Variants in CMTM3 observed in about 807,000 individuals in gnomAD.
CMTM3 encodes CKLF like MARVEL transmembrane domain containing 3.
Under a neutral mutation model 18.2 loss-of-function variants are expected in CMTM3, and 7 were observed. The observed-to-expected ratio is 0.38, with a 90% CI of 0.22 to 0.72. CMTM3 has a LOEUF of 0.72. Among genes scored for constraint, CMTM3 ranks in the 30% least tolerant of loss-of-function variants. The probability of loss-of-function intolerance (pLI) is 0.46; values close to 1 mark genes in which losing one functional copy is unlikely to be tolerated. For missense variants in CMTM3, 227 were observed against 249.2 expected, an observed-to-expected ratio of 0.91 and a Z score of 0.60; for synonymous variants, 109 against 111.2, an observed-to-expected ratio of 0.98 and a Z score of 0.12.
Position 66,609,270 on chromosome 16 carries a change from A to C in CMTM3, c.304-165A>C. 1.6e-6 allele frequency: 1 copy of C among 616,820 alleles called. No individual in the cohort carries two copies. Among genetic ancestry groups the C allele is most frequent in the Non-Finnish European group, 2.8e-6 (1 of 351,220 alleles). 38.2% of individuals were successfully genotyped at this position (616,820 alleles called of 1,614,324 possible). On this transcript the variant is annotated intron_variant, in intron 2 of 4. Coordinates refer to ENST00000567572, the MANE Select transcript of CMTM3 (RefSeq NM_181553.4). This position sits in a 1 kb window ranked among gnomAD's most constrained non-coding sequence, Gnocchi z 4.4. Reference sequence around the variant, plus strand: ...CAGCTGCTGGCAAGGCAGCAGAGGCACCTCGGGGGTGGGACAAGGGCCTAG... The same window carrying C: ...CAGCTGCTGGCAAGGCAGCAGAGGCCCCTCGGGGGTGGGACAAGGGCCTAG...
Position 66,613,351 on chromosome 16 carries a change from C to A in CMTM3, c.*714C>A. ...CTGGTCCAGAAGACAGAGGGTACAA[C>A]AGTGGCATCACAGTGACAGTGTCAT... is the stretch of plus-strand genomic sequence containing the variant. On this transcript the variant is annotated 3_prime_UTR_variant, in exon 5 of 5. Transcript: ENST00000567572. 2 of 529,602 alleles carry A rather than the reference C, an allele frequency of 3.8e-6. No homozygotes were observed. The highest frequency in any genetic ancestry group is 6.8e-6 in the Non-Finnish European group (2 of 294,836). 32.8% of individuals were successfully genotyped at this position (529,602 alleles called of 1,614,324 possible). A position where few individuals can be genotyped will look rare whatever the true frequency, so the allele number is the denominator to read the frequency against.
chr16:66,605,017 C>T lies in CMTM3; in HGVS notation c.147+65C>T. 26 of 1,335,734 alleles carry T rather than the reference C, an allele frequency of 1.9e-5. No homozygotes were observed. The highest frequency in any genetic ancestry group is 2.4e-5 in the Non-Finnish European group (25 of 1,039,734). The allele number at this position is 1,335,734 out of a possible 1,614,324, so 82.7% of individuals were successfully genotyped here. A position where few individuals can be genotyped will look rare whatever the true frequency, so the allele number is the denominator to read the frequency against. Reference sequence around the variant, plus strand: ...CGCGGCTCCTTTCGGAGGAGGACGTCGGGGCGCGGGTGGGGTCCGGGGGCG... The same window carrying T: ...CGCGGCTCCTTTCGGAGGAGGACGTTGGGGCGCGGGTGGGGTCCGGGGGCG... On this transcript the variant is annotated intron_variant, in intron 1 of 4. Transcript: ENST00000567572. This position sits in a 1 kb window ranked among gnomAD's most constrained non-coding sequence, Gnocchi z 4.6.
chr16:66,612,836 G>A lies in CMTM3; in HGVS notation c.*199G>A, dbSNP rs933185213. On this transcript the variant is annotated 3_prime_UTR_variant, in exon 5 of 5. Coordinates refer to ENST00000567572, the MANE Select transcript of CMTM3 (RefSeq NM_181553.4). This position sits in a 1 kb window ranked among gnomAD's most constrained non-coding sequence, Gnocchi z 6.0. ...CCCTCAGCTCAGCACTGTTGACCAC[G>A]CTGCGTATGAGGGCATCTTGGGTAT... The A allele has an allele frequency of 6.8e-5, 42 of 615,730 alleles. No individual in the cohort carries two copies. In the African/African-American group the frequency reaches 6.8e-4, roughly 10 times the overall value. The allele number at this position is 615,730 out of a possible 1,614,324, so 38.1% of individuals were successfully genotyped here.
chr16:66,604,726 C>T lies in CMTM3; in HGVS notation c.-80C>T, dbSNP rs1387883832. On this transcript the variant is annotated 5_prime_UTR_variant, in exon 1 of 5. Coordinates refer to ENST00000567572, the MANE Select transcript of CMTM3 (RefSeq NM_181553.4). ...GCCAGTGTCGCCTGCCCTCCTTCCG[C>T]ACAGCCCGGGTTTCCGCTTCCCTCC... 1 of 1,114,540 alleles carries T rather than the reference C, an allele frequency of 9.0e-7. No individual in the cohort carries two copies. The highest frequency in any genetic ancestry group is 1.1e-6 in the Non-Finnish European group (1 of 887,908). 69.0% of individuals were successfully genotyped at this position (1,114,540 alleles called of 1,614,324 possible).
rs2015229191 is a variant in CMTM3, at chr16:66,608,118, T to A, written c.148-191T>A. On this transcript the variant is annotated intron_variant, in intron 1 of 4. Coordinates refer to ENST00000567572, the MANE Select transcript of CMTM3 (RefSeq NM_181553.4). The surrounding 1 kb of genome is among the most constrained non-coding windows in gnomAD (Gnocchi z 5.1). ...GCCTGGGCCTCTCAAAGTGCTAGGA[T>A]TACAGGTGTGAGCCACTGTGCTTGG... 6.6e-6 allele frequency among the ~76,000 whole-genome samples: 1 copy of A among 152,154 alleles called. No homozygotes were observed. Among genetic ancestry groups the A allele is most frequent in the Non-Finnish European group, 1.5e-5 (1 of 68,016 alleles).
chr16:66,604,687 G>A (rs2015057111), upstream of CMTM3: 2 of 761,642 alleles, frequency 2.6e-6, no homozygotes, highest in Non-Finnish European at 3.5e-6. Flanking sequence ...GGCGGGGGAT[G>A]CGCCCCTGCG....
At chr16:66,604,640 G>A, upstream of CMTM3, 2 of 482,348 alleles carry the variant, frequency 4.1e-6, no homozygotes, top group Non-Finnish European at 3.2e-6. Flanking sequence ...GGGAGGGGCG[G>A]GCTGGAGGAG....
upstream of CMTM3, chr16:66,604,298 C>G (rs2015034969): frequency 6.6e-6 from 1 of 152,196 alleles, no homozygotes; most frequent in South Asian, 2.1e-4. Context: ...GAGGGGTGGC[C>G]AAGAAAGTCG....
chr16:66,611,352 C>T (rs983499165), intron 4 of CMTM3, among the ~76,000 whole-genome samples: 1 of 152,042 alleles, frequency 6.6e-6, no homozygotes, highest in Non-Finnish European at 1.5e-5. Flanking sequence ...ACTTGGGAGG[C>T]TGAGGCAGGA....
chr16:66,605,281 C>T lies in CMTM3; in HGVS notation c.147+329C>T, dbSNP rs2015097591. 4.6e-6 allele frequency: 1 copy of T among 216,264 alleles called. No individual in the cohort carries two copies. The highest frequency in any genetic ancestry group is 9.1e-6 in the Non-Finnish European group (1 of 109,824). 13.4% of individuals were successfully genotyped at this position (216,264 alleles called of 1,614,324 possible). On this transcript the variant is annotated intron_variant, in intron 1 of 4. Transcript: ENST00000567572. This position sits in a 1 kb window ranked among gnomAD's most constrained non-coding sequence, Gnocchi z 4.6. ...CCGCCCTCTCTGGGCCCCGGGGACT[C>T]GGGCAACTCGGACCTCCGGGACTCC...
rs945277843 is a variant in CMTM3 at position 66,613,238 on chromosome 16, C to T, written c.*601C>T. 5 of 665,784 alleles carry T rather than the reference C, an allele frequency of 7.5e-6. No individual in the cohort carries two copies. Among genetic ancestry groups the T allele is most frequent in the Non-Finnish European group, 1.4e-5 (5 of 366,308 alleles). The allele number at this position is 665,784 out of a possible 1,614,324, so 41.2% of individuals were successfully genotyped here. Reference sequence around the variant, plus strand: ...AGTGGGGCTCGGCACCCATAACTAACACCTCCCACCCTTGGAAACCATGTC... The same window carrying T: ...AGTGGGGCTCGGCACCCATAACTAATACCTCCCACCCTTGGAAACCATGTC... On this transcript the variant is annotated 3_prime_UTR_variant, in exon 5 of 5. Coordinates refer to ENST00000567572, the MANE Select transcript of CMTM3 (RefSeq NM_181553.4).
In CMTM3 at chr16:66,604,898, G is replaced by T; in HGVS notation, c.93G>T (p.Leu31=). ...GPAVPGLRAL[L]PARAFLCSLK... is the part of the protein sequence containing the mutation. The stretch of plus-strand genomic sequence containing the variant: ...CGGTCCCCGGGCTCCGCGCCCTGCT[G>T]CCGGCGCGGGCTTTCCTCTGCTCTC... The change falls in exon 1 of 5, where the codon CTG becomes CTT. Residue 31 remains leucine, a synonymous_variant. Coordinates refer to ENST00000567572, the MANE Select transcript of CMTM3 (RefSeq NM_181553.4). 2 of 1,451,402 alleles carry T rather than the reference G, an allele frequency of 1.4e-6. No homozygotes were observed. Among genetic ancestry groups the T allele is most frequent in the Middle Eastern group, 1.9e-4 (1 of 5,160 alleles). 89.9% of individuals were successfully genotyped at this position (1,451,402 alleles called of 1,614,324 possible).
rs1056381446 is a variant in CMTM3, at chr16:66,612,999, C to T, written c.*362C>T. ...TTCCATGCTGCTAGGTGGCGGGGGT[C>T]GGGGGTCTTCTGTTTCACTAACAGG... On this transcript the variant is annotated 3_prime_UTR_variant, in exon 5 of 5. Coordinates refer to ENST00000567572, the MANE Select transcript of CMTM3 (RefSeq NM_181553.4). This position sits in a 1 kb window ranked among gnomAD's most constrained non-coding sequence, Gnocchi z 6.0. 2.9e-5 allele frequency: 20 copies of T among 700,466 alleles called. No homozygotes were observed. The highest frequency in any genetic ancestry group is 4.4e-5 in the Non-Finnish European group (17 of 383,470). The allele number at this position is 700,466 out of a possible 1,614,324, so 43.4% of individuals were successfully genotyped here.
chr16:66,609,487 C>T lies in CMTM3; in HGVS notation c.356C>T (p.Thr119Met), dbSNP rs545909802. Residue 119 changes from threonine to methionine, a missense_variant, in exon 3 of 5, where the codon ACG becomes ATG. Transcript: ENST00000567572. This position sits in a 1 kb window ranked among gnomAD's most constrained non-coding sequence, Gnocchi z 4.4. ...CTCATCTACTTTGCTATCTCCATCA[C>T]GGCCATCGCCAAGTACTCGGATGGG... The part of the protein sequence containing the change: ...AALIYFAISI[T>M]AIAKYSDGAS... The T allele has an allele frequency of 2.0e-5, 33 of 1,611,476 alleles. No individual in the cohort carries two copies. The South Asian group carries it at 2.4e-4, about 12-fold the overall frequency.
In CMTM3 at chr16:66,613,142, G is replaced by A. The variant is rs2015447418; in HGVS notation, c.*505G>A. The A allele has an allele frequency of 1.4e-6, 1 of 702,956 alleles. No individual in the cohort carries two copies. The highest frequency in any genetic ancestry group is 2.7e-5 in the East Asian group (1 of 37,284). The allele number at this position is 702,956 out of a possible 1,614,324, so 43.5% of individuals were successfully genotyped here. ...ACAATGACCCTTCCAAGAATCTTTG[G>A]TTCAAGGAGCACCAGTTCCCTCTTC... On this transcript the variant is annotated 3_prime_UTR_variant, in exon 5 of 5. Transcript: ENST00000567572.
In CMTM3 at chr16:66,605,221, G is replaced by T. The variant is rs2015094122; in HGVS notation, c.147+269G>T. 3 of 344,108 alleles carry T rather than the reference G, an allele frequency of 8.7e-6. No individual in the cohort carries two copies. Among genetic ancestry groups the T allele is most frequent in the African/African-American group, 2.1e-5 (1 of 46,542 alleles). The allele number at this position is 344,108 out of a possible 1,614,324, so 21.3% of individuals were successfully genotyped here. A position where few individuals can be genotyped will look rare whatever the true frequency, so the allele number is the denominator to read the frequency against. On this transcript the variant is annotated intron_variant, in intron 1 of 4. Transcript: ENST00000567572. The surrounding 1 kb of genome is among the most constrained non-coding windows in gnomAD (Gnocchi z 4.6). ...GGGCCGTGGGAAGTGGGTGGGGCCC[G>T]GGGATGTGGGTCCTGCTGTGTGAGC...
Position 66,612,537 on chromosome 16 carries a change from T to G in CMTM3, c.521-72T>G. 6.6e-7 allele frequency: 1 copy of G among 1,524,924 alleles called. No individual in the cohort carries two copies. The highest frequency in any genetic ancestry group is 9.0e-7 in the Non-Finnish European group (1 of 1,106,626). 94.5% of individuals were successfully genotyped at this position (1,524,924 alleles called of 1,614,324 possible). ...GCTCCTGCCAGCAACCCAGCTGTGC[T>G]TCCCCAGAGACCGTTCCCAGGCACC... On this transcript the variant is annotated intron_variant, in intron 4 of 4. Transcript: ENST00000567572. The surrounding 1 kb of genome is among the most constrained non-coding windows in gnomAD (Gnocchi z 6.0).
chr16:66,609,625 C>T lies in CMTM3; in HGVS notation c.399+95C>T. On this transcript the variant is annotated intron_variant, in intron 3 of 4. Coordinates refer to ENST00000567572, the MANE Select transcript of CMTM3 (RefSeq NM_181553.4). The surrounding 1 kb of genome is among the most constrained non-coding windows in gnomAD (Gnocchi z 4.4). ...GGGCAGAGCCTTTCCCTGCTGGGGC[C>T]CCCCTGGGGTCTCATGTGGGTCCCG... The T allele has an allele frequency of 2.6e-6, 4 of 1,513,236 alleles. No homozygotes were observed. The highest frequency in any genetic ancestry group is 3.6e-6 in the Non-Finnish European group (4 of 1,119,040). 93.7% of individuals were successfully genotyped at this position (1,513,236 alleles called of 1,614,324 possible).
intron 4 of CMTM3, among the ~76,000 whole-genome samples, chr16:66,611,457 A>G (rs2015373749): frequency 6.6e-6 from 1 of 152,022 alleles, no homozygotes. Context: ...TCGGGGGGAA[A>G]AAATTGAATA....
Sources: gnomAD v4.1 joint callset for allele counts (sites outside exome capture counted in the v4.1 genomes callset) on GRCh38, gnomAD v4.1.1 for gene constraint, Gnocchi (gnomAD v3.1) non-coding constraint, MANE v1.5 for transcripts, NCBI Gene and HGNC (gene_info 2026-07-23, HGNC 2026-07-21) for gene names.